SORL1: variants seen among roughly 807,000 people sequenced by gnomAD.
The protein encoded by SORL1 is sortilin related receptor 1.
SORL1 carries 127 observed loss-of-function variants against 273.7 expected under a neutral mutation model. That is an observed-to-expected ratio of 0.46 (90% CI 0.40 to 0.54). The LOEUF (loss-of-function observed/expected upper bound fraction) is 0.54, where lower values mean the gene tolerates loss of function less well. Ranked by LOEUF, SORL1 falls within the 20% of genes least tolerant of loss-of-function variation. SORL1 has a pLI of 0.00. For synonymous variants in SORL1, 1,031 were observed against 1,067.4 expected (o/e 0.97, Z 0.66); for missense variants, 2,494 against 2,846.1 (o/e 0.88, Z 2.81).
chr11:121,597,660 A>G (rs1276489456), intron 32 of SORL1, among the ~76,000 whole-genome samples: 2 of 152,098 alleles, frequency 1.3e-5, no homozygotes, highest in South Asian at 2.1e-4. Context: ...AGGTTTTGCC[A>G]TGTTGGCCAG....
At chr11:121,485,611 G>A (rs1322898071) in intron 3 of SORL1, among the ~76,000 whole-genome samples, 1 of 152,200 alleles carries the variant, frequency 6.6e-6, no homozygotes, top group East Asian at 1.9e-4. Context: ...GACGGGGTGC[G>A]TGATTTTTGG....
intron 6 of SORL1, among the ~76,000 whole-genome samples, chr11:121,509,627 C>T (rs569917412): frequency 5.2e-4 from 79 of 152,236 alleles, no homozygotes; most frequent in Non-Finnish European, 1.0e-3. Context: ...CAGGCATACT[C>T]TACCATGCCT....
At chr11:121,576,396 T>TAG in intron 24 of SORL1, among the ~76,000 whole-genome samples, 1 of 152,272 alleles carries the variant, frequency 6.6e-6, no homozygotes, top group East Asian at 1.9e-4. Context: ...CCCTCCCACC[T>TAG]CTTTCTTAAG....
intron 32 of SORL1, among the ~76,000 whole-genome samples, chr11:121,598,727 A>G (rs1863339579): frequency 6.6e-6 from 1 of 152,202 alleles, no homozygotes; most frequent in Admixed American, 6.5e-5. Flanking sequence ...GACTTGAGAG[A>G]AAAATCATCT....
At chr11:121,597,776 C>T (rs1863321239) in intron 32 of SORL1, among the ~76,000 whole-genome samples, 1 of 152,120 alleles carries the variant, frequency 6.6e-6, no homozygotes, top group African/African-American at 2.4e-5. Flanking sequence ...AATACAGATT[C>T]TAGTGGGAGG....
chr11:121,526,620 A>G (rs866850871), intron 11 of SORL1, among the ~76,000 whole-genome samples: 1 of 151,944 alleles, frequency 6.6e-6, no homozygotes, highest in African/African-American at 2.4e-5. Context: ...TTCTTGTTCA[A>G]TTTCTCTCAG....
rs763153840 is a variant in SORL1 at position 121,618,790 on chromosome 11, A to G, written c.5621A>G (p.Tyr1874Cys). The G allele has an allele frequency of 3.7e-6, 6 of 1,614,082 alleles. No homozygotes were observed. The highest frequency in any genetic ancestry group is 5.1e-6 in the Non-Finnish European group (6 of 1,179,998). ...TTTTACCAGGTTTATGGTATTTTCT[A>G]TGCCACGTCCTTTCTTGACCTCTAT... Reference protein sequence around the residue: ...GPRNVVYGIFYATSFLDLYRN... With the variant: ...GPRNVVYGIFCATSFLDLYRN... The change falls in exon 42 of 48, where the codon TAT (tyrosine) becomes TGT (cysteine). Residue 1874 changes from tyrosine to cysteine, a missense_variant. Physicochemically the swap from Tyr to Cys is radical, Grantham distance 194. Around this residue, in one of 3 missense-constraint regions of SORL1, gnomAD observed 1,609 missense variants for 1,816.4 expected, o/e 0.89. Transcript: ENST00000260197.
intron 32 of SORL1, among the ~76,000 whole-genome samples, chr11:121,603,040 A>T (rs980753863): frequency 2.0e-5 from 3 of 152,164 alleles, no homozygotes; most frequent in African/African-American, 7.2e-5. Context: ...TCTCACCACA[A>T]CCAGAAAAGG....
intron 5 of SORL1, among the ~76,000 whole-genome samples, chr11:121,491,548 C>T (rs1861553270): frequency 6.6e-6 from 1 of 152,190 alleles, no homozygotes; most frequent in Admixed American, 6.5e-5. Context: ...TTCACCACCC[C>T]AAATCAGCTC....
Position 121,524,193 on chromosome 11 carries a change from C to A in SORL1, c.1596+1204C>A, listed in dbSNP as rs377359332. On this transcript the variant is annotated intron_variant, in intron 11 of 47. Transcript: ENST00000260197. ...AAGGGAAGATTAAGCAGCTGCTTTC[C>A]CCTTTCGTGGAGCTGGACGCTCCCT... 5.0e-4 allele frequency among the ~76,000 whole-genome samples: 76 copies of A among 152,378 alleles called. No individual in the cohort carries two copies. The South Asian group carries it at 0.015, about 30-fold the overall frequency.
At chr11:121,491,548 C>G (rs1861553270) in intron 5 of SORL1, among the ~76,000 whole-genome samples, 2 of 152,190 alleles carry the variant, frequency 1.3e-5, no homozygotes, top group Admixed American at 1.3e-4. Context: ...TTCACCACCC[C>G]AAATCAGCTC....
At chr11:121,455,020 A>G (rs1860880241) in intron 1 of SORL1, among the ~76,000 whole-genome samples, 1 of 152,150 alleles carries the variant, frequency 6.6e-6, no homozygotes, top group African/African-American at 2.4e-5. Context: ...TGTAATCACG[A>G]CTTTCCCCTT....
chr11:121,549,033 C>T (rs974736812), intron 14 of SORL1, among the ~76,000 whole-genome samples: 5 of 152,162 alleles, frequency 3.3e-5, no homozygotes, highest in African/African-American at 1.2e-4. Context: ...ACAGTCACCT[C>T]GTTTTAGAAT....
chr11:121,570,090 G>T (rs1862817360), intron 22 of SORL1, 67 bp from the exon 23 acceptor site: 1 of 1,023,664 alleles, frequency 9.8e-7, no homozygotes, highest in South Asian at 1.5e-5. Flanking sequence ...AAAAGAGAAA[G>T]ACCTGTGGTC....
intron 28 of SORL1, among the ~76,000 whole-genome samples, chr11:121,588,685 A>G (rs1425553144): frequency 6.6e-6 from 1 of 152,188 alleles, no homozygotes; most frequent in South Asian, 2.1e-4. Flanking sequence ...CTGCTGTAGC[A>G]GAGTACCACA....
chr11:121,588,975 C>T (rs1591341076), intron 28 of SORL1, among the ~76,000 whole-genome samples: 1 of 152,224 alleles, frequency 6.6e-6, no homozygotes, highest in African/African-American at 2.4e-5. Context: ...TCTCTAAATA[C>T]AGTCCTGTTT....
chr11:121,507,322 A>G (rs1020202776), intron 6 of SORL1, among the ~76,000 whole-genome samples: 11 of 152,088 alleles, frequency 7.2e-5, no homozygotes, highest in African/African-American at 1.9e-4. Context: ...TTTTTATCAA[A>G]TTTGGGGAGT....
In SORL1 at chr11:121,596,790, C is replaced by T. The variant is rs370191354; in HGVS notation, c.4519+1018C>T. On this transcript the variant is annotated intron_variant, in intron 32 of 47. Coordinates refer to ENST00000260197, the MANE Select transcript of SORL1 (RefSeq NM_003105.6). The surrounding 1 kb of genome is among the most constrained non-coding windows in gnomAD (Gnocchi z 4.3). Reference sequence around the variant, plus strand: ...CCAAGCCCTAACCCTAAGCAGCAAACGCCTCAGTTCCTCCACTTTGATCCC... The same window carrying T: ...CCAAGCCCTAACCCTAAGCAGCAAATGCCTCAGTTCCTCCACTTTGATCCC... 5.3e-5 allele frequency among the ~76,000 whole-genome samples: 8 copies of T among 152,150 alleles called. No homozygotes were observed. The East Asian group carries it at 9.6e-4, about 18-fold the overall frequency.
rs776279080 is a variant in SORL1, at chr11:121,586,327, G to A, written c.3812G>A (p.Cys1271Tyr). ...TCTGATGGCTCCGATGAACAGCACT[G>A]CGGTGAGTTCATTCCTTGCCCCCAG... ...DCSDGSDEQH[C>Y]EPLCTHFMDF... Residue 1271 changes from cysteine to tyrosine, a missense_variant and splice_region_variant, in exon 27 of 48, where the codon TGC becomes TAC. By Grantham distance (194) the Cys-to-Tyr change is radical. Transcript: ENST00000260197. The A allele has an allele frequency of 1.2e-6, 2 of 1,610,680 alleles. No individual in the cohort carries two copies. Among genetic ancestry groups the A allele is most frequent in the Non-Finnish European group, 1.7e-6 (2 of 1,176,798 alleles).
Sources: allele counts gnomAD v4.1 joint callset (sites outside exome capture counted in the v4.1 genomes callset), GRCh38; gene constraint gnomAD v4.1.1; regional missense constraint gnomAD v4.1.1; non-coding constraint Gnocchi (gnomAD v3.1); transcripts MANE v1.5; gene names NCBI Gene and HGNC (gene_info 2026-07-23, HGNC 2026-07-21).